The following PLCL2 variants were observed in gnomAD, a reference collection of about 807,000 sequenced individuals.
The protein encoded by PLCL2 is inactive phospholipase C-like protein 2.
PLCL2 carries 4 observed loss-of-function variants against 79.6 expected under a neutral mutation model. The ratio of observed to expected loss-of-function variants is 0.05; its 90% CI spans 0.02 to 0.11. The LOEUF (loss-of-function observed/expected upper bound fraction) is 0.11. Ranked by LOEUF, PLCL2 falls within the 10% of genes least tolerant of loss-of-function variation. The probability of loss-of-function intolerance (pLI) is 1.00; values close to 1 mark genes in which losing one functional copy is unlikely to be tolerated. For synonymous variants in PLCL2, 484 were observed against 457.7 expected, an observed-to-expected ratio of 1.06 and a Z score of -0.73; for missense variants, 895 against 1,291.0, an observed-to-expected ratio of 0.69 and a Z score of 4.70.
intron 1 of PLCL2, among the ~76,000 whole-genome samples, chr3:16,959,937 C>G (rs760609362): frequency 2.0e-5 from 3 of 152,086 alleles, no homozygotes; most frequent in Non-Finnish European, 2.9e-5. Context: ...AACCCCGTCT[C>G]TGCTAAAAAT....
intron 4 of PLCL2, among the ~76,000 whole-genome samples, chr3:17,051,545 A>G (rs956528088): frequency 1.4e-5 from 2 of 146,318 alleles, no homozygotes; most frequent in Non-Finnish European, 3.1e-5. Context: ...TCTGGGGGGA[A>G]AAAAAAGTCA....
intron 1 of PLCL2, among the ~76,000 whole-genome samples, chr3:17,008,030 T>C (rs895200006): frequency 6.6e-6 from 1 of 152,202 alleles, no homozygotes; most frequent in African/African-American, 2.4e-5. Flanking sequence ...CAGATGTGGA[T>C]GTCAGCCCCT....
At chr3:16,933,755 T>G (rs1020690040) in intron 1 of PLCL2, among the ~76,000 whole-genome samples, 13 of 152,110 alleles carry the variant, frequency 8.5e-5, no homozygotes, top group Non-Finnish European at 1.9e-4. Context: ...TGTATAGATG[T>G]GTAATTTATT....
At chr3:16,901,865 C>T (rs919047843) in intron 1 of PLCL2, among the ~76,000 whole-genome samples, 3 of 152,148 alleles carry the variant, frequency 2.0e-5, no homozygotes, top group Admixed American at 2.0e-4. Flanking sequence ...GCTTTCCTTC[C>T]ATTCACCCCT....
intron 3 of PLCL2, among the ~76,000 whole-genome samples, chr3:17,015,730 C>T (rs545429479): frequency 6.6e-6 from 1 of 152,296 alleles, no homozygotes; most frequent in Non-Finnish European, 1.5e-5. Context: ...TCCAAAAGCA[C>T]AAGCTAAGAC....
intron 1 of PLCL2, among the ~76,000 whole-genome samples, chr3:16,985,836 A>T (rs1356244179): frequency 1.3e-5 from 2 of 152,172 alleles, no homozygotes; most frequent in African/African-American, 4.8e-5. Context: ...GCAGCTGCTG[A>T]GGGCTAGGCA....
intron 5 of PLCL2, among the ~76,000 whole-genome samples, chr3:17,069,975 G>C (rs34183142): frequency 3.0e-3 from 452 of 152,280 alleles, no homozygotes; most frequent in Admixed American, 7.8e-3. Context: ...GAGGTGGGGG[G>C]TACACTATAA....
At chr3:16,899,100 G>T (rs1015432427) in intron 1 of PLCL2, among the ~76,000 whole-genome samples, 12 of 152,256 alleles carry the variant, frequency 7.9e-5, no homozygotes, top group Non-Finnish European at 1.5e-4. Context: ...GCAGAGTGCT[G>T]TGTATCTGTC....
intron 3 of PLCL2, among the ~76,000 whole-genome samples, chr3:17,024,254 T>C (rs1575592326): frequency 6.6e-6 from 1 of 152,146 alleles, no homozygotes; most frequent in Non-Finnish European, 1.5e-5. Context: ...ATCCCTTTGG[T>C]GTGTTGAGAT....
intron 3 of PLCL2, among the ~76,000 whole-genome samples, chr3:17,042,584 C>G (rs143856202): frequency 6.6e-6 from 1 of 152,142 alleles, no homozygotes; most frequent in Non-Finnish European, 1.5e-5. Context: ...TAGCTTTTCA[C>G]GCTGAAATGA....
intron 4 of PLCL2, among the ~76,000 whole-genome samples, chr3:17,051,708 G>A (rs2064840718): frequency 6.6e-6 from 1 of 152,184 alleles, no homozygotes; most frequent in South Asian, 2.1e-4. Context: ...CCTTAAAGGG[G>A]AAAGATAAAC....
intron 1 of PLCL2, among the ~76,000 whole-genome samples, chr3:16,891,392 A>T (rs1017051062): frequency 1.3e-5 from 2 of 152,218 alleles, no homozygotes; most frequent in Admixed American, 1.3e-4. Context: ...TTAGTTGAGC[A>T]GACTCCTTTA....
intron 1 of PLCL2, among the ~76,000 whole-genome samples, chr3:16,896,549 T>G (rs1696484753): frequency 6.6e-6 from 1 of 152,230 alleles, no homozygotes; most frequent in African/African-American, 2.4e-5. Flanking sequence ...GTGCTGCTCA[T>G]AATAAAACTT....
chr3:17,036,316 A>G (rs766757818), intron 3 of PLCL2, among the ~76,000 whole-genome samples: 1 of 152,202 alleles, frequency 6.6e-6, no homozygotes, highest in Non-Finnish European at 1.5e-5. Flanking sequence ...ATTATGTTCA[A>G]GTATTTAAAA....
intron 1 of PLCL2, among the ~76,000 whole-genome samples, chr3:16,889,493 C>T (rs923631681): frequency 6.6e-6 from 1 of 152,220 alleles, no homozygotes; most frequent in Non-Finnish European, 1.5e-5. Flanking sequence ...GGCTGCTTGA[C>T]CAGGGCTTGC....
chr3:16,901,680 T>C (rs1175790442), intron 1 of PLCL2, among the ~76,000 whole-genome samples: 1 of 152,216 alleles, frequency 6.6e-6, no homozygotes, highest in African/African-American at 2.4e-5. Flanking sequence ...TTAACTTCTC[T>C]GTCTGTGCCG....
In PLCL2 at chr3:16,888,611, A is replaced by G. The variant is rs554704543; in HGVS notation, c.327+3245A>G. ...CATCACTTTCATTTTCTCTTTCCAT[A>G]ATTCATTTCATCACTCTATTCAATA... is the stretch of plus-strand genomic sequence containing the variant. On this transcript the variant is annotated intron_variant, in intron 1 of 5. Coordinates refer to ENST00000615277, the MANE Select transcript of PLCL2 (RefSeq NM_001144382.2). Among the ~76,000 whole-genome samples, 3 of 152,288 alleles carry G rather than the reference A, an allele frequency of 2.0e-5. No individual in the cohort carries two copies. The South Asian group carries it at 6.2e-4, about 32-fold the overall frequency.
At chr3:17,085,345 C>A (rs948167855) in intron 5 of PLCL2, among the ~76,000 whole-genome samples, 1 of 152,088 alleles carries the variant, frequency 6.6e-6, no homozygotes, top group African/African-American at 2.4e-5. Context: ...CCAGGTTGCC[C>A]AGGCCAGTAT....
intron 1 of PLCL2, among the ~76,000 whole-genome samples, chr3:16,911,720 A>G (rs944773379): frequency 1.3e-5 from 2 of 152,156 alleles, no homozygotes; most frequent in African/African-American, 4.8e-5. Flanking sequence ...CTGATAATCA[A>G]TTTTCATGCA....
Sources: allele counts gnomAD v4.1 joint callset (sites outside exome capture counted in the v4.1 genomes callset), GRCh38; gene constraint gnomAD v4.1.1; transcripts MANE v1.5; gene names NCBI Gene and HGNC (gene_info 2026-07-23, HGNC 2026-07-21).